FLVCR1: variants seen among roughly 807,000 people sequenced by gnomAD.
FLVCR1 encodes FLVCR choline and heme transporter 1, also known as choline/ethanolamine transporter FLVCR1.
A neutral mutation model predicts 53.6 loss-of-function variants in FLVCR1; 34 were observed. The ratio of observed to expected loss-of-function variants is 0.63; its 90% confidence interval spans 0.48 to 0.84. The LOEUF is 0.84. FLVCR1 is among the 40% of genes least tolerant of loss of function. The pLI, the probability that FLVCR1 is intolerant of heterozygous loss-of-function variation, is 0.00. For synonymous variants in FLVCR1, 300 were observed against 286.3 expected, an observed-to-expected ratio of 1.05 and a Z score of -0.48; for missense variants, 677 against 696.7, an observed-to-expected ratio of 0.97 and a Z score of 0.32.
In FLVCR1 at chr1:212,888,523, G is replaced by T; in HGVS notation, c.1342G>T (p.Glu448Ter). Residue 448 changes from glutamate (E) to a stop codon, truncating the protein, a stop_gained, in exon 7 of 10, where the codon GAA becomes TAA. Coordinates refer to ENST00000366971, the MANE Select transcript of FLVCR1 (RefSeq NM_014053.4). LOFTEE classifies it high-confidence loss of function. ...FMTGYLPLGFEFAVEITYPES... is the reference protein window; with the variant it reads ...FMTGYLPLGF ...GACTGGTTACCTCCCTTTGGGTTTT[G>T]AATTTGCTGTTGAAATCACTTACCC... is the stretch of plus-strand genomic sequence containing the variant. 1 of 1,613,792 alleles carries T rather than the reference G, an allele frequency of 6.2e-7. No individual in the cohort carries two copies. Among genetic ancestry groups the T allele is most frequent in the Non-Finnish European group, 8.5e-7 (1 of 1,179,824 alleles).
chr1:212,866,622 A>AGG (rs1664441439), intron 2 of FLVCR1, among the ~76,000 whole-genome samples: 1 of 152,184 alleles, frequency 6.6e-6, no homozygotes. Context: ...TTGTTGAAGG[A>AGG]GGGAGACCAA....
chr1:212,859,299 C>A, intron 1 of FLVCR1, 109 bp downstream of exon 1: 1 of 1,529,654 alleles, frequency 6.5e-7, no homozygotes, highest in Non-Finnish European at 9.0e-7. Context: ...AGGTATTTGT[C>A]TATAAAAGAG....
intron 5 of FLVCR1, among the ~76,000 whole-genome samples, chr1:212,886,502 A>G (rs1286882634): frequency 6.6e-6 from 1 of 152,232 alleles, no homozygotes; most frequent in Non-Finnish European, 1.5e-5. Flanking sequence ...AATATAATGC[A>G]TAATGTGAAA....
intron 2 of FLVCR1, among the ~76,000 whole-genome samples, chr1:212,865,821 T>C (rs1167453388): frequency 2.0e-5 from 3 of 148,778 alleles, no homozygotes; most frequent in African/African-American, 2.5e-5. Context: ...CTCTCTCTTT[T>C]TTTTTTTTTA....
chr1:212,870,623 A>G (rs868675456), intron 2 of FLVCR1, among the ~76,000 whole-genome samples: 15 of 151,612 alleles, frequency 9.9e-5, no homozygotes, highest in Admixed American at 3.9e-4. Flanking sequence ...ATAGCCAATT[A>G]AAAAAAAATC....
chr1:212,866,132 G>A (rs886346291), intron 2 of FLVCR1, among the ~76,000 whole-genome samples: 4 of 152,126 alleles, frequency 2.6e-5, no homozygotes, highest in Admixed American at 6.5e-5. Context: ...TTACAGGCGC[G>A]TGCCACCATG....
chr1:212,888,658 G>A, intron 7 of FLVCR1, 64 bp downstream of exon 7: 1 of 1,168,026 alleles, frequency 8.6e-7, no homozygotes, highest in South Asian at 1.2e-5. Context: ...TGAGTAATGA[G>A]TTTGACCATG....
chr1:212,871,295 T>A (rs1428345606), intron 2 of FLVCR1, among the ~76,000 whole-genome samples: 1 of 152,216 alleles, frequency 6.6e-6, no homozygotes, highest in African/African-American at 2.4e-5. Context: ...CTATTGTAAT[T>A]AACAATTTTG....
intron 8 of FLVCR1, among the ~76,000 whole-genome samples, chr1:212,889,932 G>T (rs747477738): frequency 6.6e-6 from 1 of 152,100 alleles, no homozygotes; most frequent in Non-Finnish European, 1.5e-5. Flanking sequence ...TTACTGTGAG[G>T]ATTAATTGAA....
rs924728049 is a variant in FLVCR1, at chr1:212,899,145, T to C, written c.*3855T>C. ...ATGTTTCAAAAGCTGTTGCATTTAT[T>C]ACAAATGTCACAAATACAGCTCTTG... On this transcript the variant is annotated 3_prime_UTR_variant, in exon 10 of 10. Transcript: ENST00000366971. 7 of 152,252 alleles carry C rather than the reference T, an allele frequency of 4.6e-5. No individual in the cohort carries two copies. Among genetic ancestry groups the C allele is most frequent in the African/African-American group, 1.7e-4 (7 of 41,464 alleles). 9.4% of individuals were successfully genotyped at this position (152,252 alleles called of 1,614,324 possible). A position where few individuals can be genotyped will look rare whatever the true frequency, so the allele number is the denominator to read the frequency against.
chr1:212,880,115 A>G (rs1202829313), intron 3 of FLVCR1, among the ~76,000 whole-genome samples: 1 of 152,112 alleles, frequency 6.6e-6, no homozygotes, highest in Admixed American at 6.6e-5. Context: ...TGTTATCCTC[A>G]TCTTCCGCAG....
intron 3 of FLVCR1, among the ~76,000 whole-genome samples, chr1:212,879,061 A>G (rs1333123248): frequency 6.6e-6 from 1 of 152,172 alleles, no homozygotes; most frequent in African/African-American, 2.4e-5. Flanking sequence ...ATGGAGGGAT[A>G]TACCATGTTA....
intron 2 of FLVCR1, among the ~76,000 whole-genome samples, chr1:212,865,089 A>C (rs2102538402): frequency 6.6e-6 from 1 of 151,982 alleles, no homozygotes; most frequent in Non-Finnish European, 1.5e-5. Flanking sequence ...GCAGTTTAGC[A>C]AAGTTTTAAA....
intron 5 of FLVCR1, among the ~76,000 whole-genome samples, chr1:212,886,509 G>A (rs1199260159): frequency 1.3e-5 from 2 of 152,136 alleles, no homozygotes; most frequent in African/African-American, 4.8e-5. Flanking sequence ...TGCATAATGT[G>A]AAAATGCTGG....
chr1:212,875,832 C>T lies in FLVCR1; in HGVS notation c.1024+3014C>T, dbSNP rs565744054. Among the ~76,000 whole-genome samples, 5 of 144,880 alleles carry T rather than the reference C, an allele frequency of 3.5e-5. No homozygotes were observed. In the South Asian group the frequency reaches 1.1e-3, roughly 33 times the overall value. ...CTCCAGCCTGGGTGACGGAGCAAGA[C>T]TCCATCTGAGAAAAAAAAAAACAAA... On this transcript the variant is annotated intron_variant, in intron 3 of 9. Transcript: ENST00000366971.
chr1:212,865,442 G>A (rs1451721016), intron 2 of FLVCR1, among the ~76,000 whole-genome samples: 1 of 150,592 alleles, frequency 6.6e-6, no homozygotes, highest in African/African-American at 2.5e-5. Context: ...AGATGAAATA[G>A]GAAATACATT....
Position 212,858,741 on chromosome 1 carries a change from C to T in FLVCR1, c.289C>T (p.Pro97Ser). Residue 97 changes from proline to serine, a missense_variant, in exon 1 of 10, where the codon CCG (proline) becomes TCG (serine). By Grantham distance (74) the Pro-to-Ser change is moderately conservative. Coordinates refer to ENST00000366971, the MANE Select transcript of FLVCR1 (RefSeq NM_014053.4). ...TGAGACCCCGGGGGCCGAGAGCAGC[C>T]CGCTGCCCCTTACGGCGCTCTCCCC... ...GAETPGAESS[P>S]LPLTALSPRR... The T allele has an allele frequency of 6.2e-7, 1 of 1,612,436 alleles. No homozygotes were observed. Among genetic ancestry groups the T allele is most frequent in the Non-Finnish European group, 8.5e-7 (1 of 1,179,584 alleles).
chr1:212,866,670 C>CT (rs940353798), intron 2 of FLVCR1, among the ~76,000 whole-genome samples: 4 of 152,056 alleles, frequency 2.6e-5, no homozygotes, highest in African/African-American at 9.7e-5. Flanking sequence ...GCATATTACC[C>CT]TTTGTTATTT....
chr1:212,874,268 G>A (rs1558113746), intron 3 of FLVCR1, among the ~76,000 whole-genome samples: 1 of 152,074 alleles, frequency 6.6e-6, no homozygotes, highest in Non-Finnish European at 1.5e-5. Flanking sequence ...CTTGGCCTCC[G>A]AAAGTGCGGG....
Sources: gnomAD v4.1 joint callset for allele counts (sites outside exome capture counted in the v4.1 genomes callset) on GRCh38, gnomAD v4.1.1 for gene constraint, MANE v1.5 for transcripts, NCBI Gene and HGNC (gene_info 2026-07-23, HGNC 2026-07-21) for gene names.